Variants in RNPEPL1 observed in about 807,000 individuals in gnomAD.
RNPEPL1 encodes aminopeptidase RNPEPL1.
Under a neutral mutation model 69.0 loss-of-function variants are expected in RNPEPL1, and 46 were observed. That is an observed-to-expected ratio of 0.67 (90% CI 0.53 to 0.85). The LOEUF (loss-of-function observed/expected upper bound fraction) is 0.85. RNPEPL1 is among the 40% of genes least tolerant of loss of function. The pLI, the probability that RNPEPL1 is intolerant of heterozygous loss-of-function variation, is 0.00. For synonymous variants in RNPEPL1, 525 were observed against 454.1 expected (o/e 1.16, Z -1.98); for missense variants, 869 against 992.5 (o/e 0.88, Z 1.67).
chr2:240,571,012 T>G, intron 1 of RNPEPL1, among the ~76,000 whole-genome samples: 1 of 149,212 alleles, frequency 6.7e-6, no homozygotes. Flanking sequence ...AGGAGAGGAG[T>G]AGTTGTGAGG....
Position 240,577,879 on chromosome 2 carries a change from A to G in RNPEPL1, c.2165A>G (p.Asn722Ser), listed in dbSNP as rs752301697. ...AGTGCCATCTCTCTCAGGGACGTCA[A>G]TGTGTCTGCCTAGCCCTGTTGGCGG... Reference protein sequence around the residue: ...PSSAISLRDVNVSA With the variant: ...PSSAISLRDVSVSA Residue 722 changes from asparagine to serine, a missense_variant, in exon 11 of 11, where the codon AAT (asparagine) becomes AGT (serine). By Grantham distance (46) the Asn-to-Ser change is conservative. Around this residue, in one of 2 missense-constraint regions of RNPEPL1, gnomAD observed 610 missense variants for 790.9 expected, o/e 0.77. Transcript: ENST00000270357. 1.5e-5 allele frequency: 23 copies of G among 1,536,158 alleles called. No homozygotes were observed. Among genetic ancestry groups the G allele is most frequent in the East Asian group, 2.3e-5 (1 of 43,754 alleles).
In RNPEPL1 at chr2:240,574,368, G is replaced by A; in HGVS notation, c.1174+20G>A. The stretch of plus-strand genomic sequence containing the variant: ...CCTACGGTGCGGCCAGGGCCGGGGA[G>A]GGCAGCCACGGGGGGCCCTGGGCAC... On this transcript the variant is annotated intron_variant, in intron 5 of 10. Coordinates refer to ENST00000270357, the MANE Select transcript of RNPEPL1 (RefSeq NM_018226.6). 6.3e-7 allele frequency: 1 copy of A among 1,585,416 alleles called. No homozygotes were observed. The highest frequency in any genetic ancestry group is 8.6e-7 in the Non-Finnish European group (1 of 1,168,304).
chr2:240,573,106 A>G lies in RNPEPL1; in HGVS notation c.670-4A>G, dbSNP rs952475545. 2 of 1,600,518 alleles carry G rather than the reference A, an allele frequency of 1.2e-6. No individual in the cohort carries two copies. The highest frequency in any genetic ancestry group is 3.4e-5 in the Admixed American group (2 of 58,932). ...CACCCGGTCTCAGTCCGGCCTCCTT[A>G]CAGGCGCCATCGGGGGTGCAGGTGC... On this transcript the variant is annotated splice_polypyrimidine_tract_variant and splice_region_variant and intron_variant, in intron 2 of 10. Coordinates refer to ENST00000270357, the MANE Select transcript of RNPEPL1 (RefSeq NM_018226.6).
intron 1 of RNPEPL1, among the ~76,000 whole-genome samples, chr2:240,569,675 C>G (rs1316767702): frequency 6.6e-6 from 1 of 152,228 alleles, no homozygotes; most frequent in Non-Finnish European, 1.5e-5. Flanking sequence ...GTGGCTGAGG[C>G]TGGCGCTGTG....
chr2:240,575,213 C>T (rs1304760510), intron 7 of RNPEPL1, 71 bp downstream of exon 7: 6 of 1,229,510 alleles, frequency 4.9e-6, no homozygotes, highest in Non-Finnish European at 7.2e-6. Flanking sequence ...CACAGGGCTG[C>T]CTGCTCTTGC....
chr2:240,572,688 C>A, intron 2 of RNPEPL1, 125 bp downstream of exon 2: 1 of 1,228,392 alleles, frequency 8.1e-7, no homozygotes, highest in Non-Finnish European at 1.1e-6. Context: ...ACAGTGCTAG[C>A]AGGAGCCCAC....
chr2:240,572,306 T>C (rs778679505), intron 1 of RNPEPL1, 117 bp from the exon 2 acceptor site: 28 of 1,227,434 alleles, frequency 2.3e-5, no homozygotes, highest in Non-Finnish European at 3.1e-5. Flanking sequence ...CCCAGCAAGA[T>C]AATCTGGCCA....
chr2:240,568,850 CG>C lies in RNPEPL1; in HGVS notation c.265del (p.Ala89ProfsTer96). The C allele has an allele frequency of 8.4e-7, 1 of 1,189,570 alleles. No homozygotes were observed. Among genetic ancestry groups the C allele is most frequent in the Non-Finnish European group, 1.0e-6 (1 of 955,500 alleles). 73.7% of individuals were successfully genotyped at this position (1,189,570 alleles called of 1,614,324 possible). On this transcript the variant is annotated frameshift_variant, in exon 1 of 11. Transcript: ENST00000270357. LOFTEE classifies it high-confidence loss of function. The surrounding 1 kb of genome is among the most constrained non-coding windows in gnomAD (Gnocchi z 6.2). ...ACCCGGCTCTGCGCCTGCACTCAGC[CG>C]CCTTCCGTCGCGCCCCCGCCGCCGC... ...AHPALRLHSA[A>X]FRRAPAAAAE...
chr2:240,576,287 G>A (rs2093037496), intron 8 of RNPEPL1: 2 of 576,866 alleles, frequency 3.5e-6, no homozygotes, highest in Admixed American at 6.2e-5. Flanking sequence ...GGAGAGGCGT[G>A]GAGTGGGTGC....
chr2:240,573,311 G>T, intron 3 of RNPEPL1, 50 bp downstream of exon 3: 1 of 1,513,350 alleles, frequency 6.6e-7, no homozygotes. Flanking sequence ...CTCGGGGAGA[G>T]CCCCACCGGG....
At position 240,576,597 on chromosome 2, in the gene RNPEPL1, CAG is replaced by C; in HGVS notation, c.1574_1575del (p.Gln525ArgfsTer31). On this transcript the variant is annotated frameshift_variant, in exon 9 of 11. Coordinates refer to ENST00000270357, the MANE Select transcript of RNPEPL1 (RefSeq NM_018226.6). LOFTEE classifies it high-confidence loss of function. The stretch of plus-strand genomic sequence containing the variant: ...GCCGCTGGCTGAGCCGGACCTGTCT[CAG>C]GGATCCAGCCTGACCCGGCCCGTGG... ...GPPLAEPDLS[Q>X]GSSLTRPVEA... 6.2e-7 allele frequency: 1 copy of C among 1,613,050 alleles called. No homozygotes were observed. Among genetic ancestry groups the C allele is most frequent in the Non-Finnish European group, 8.5e-7 (1 of 1,180,020 alleles).
At position 240,576,754 on chromosome 2, in the gene RNPEPL1, C is replaced by A; in HGVS notation, c.1730C>A (p.Pro577Gln). ...LFLDRLLDGS[P>Q]LPQEVVMSLS... ...CTGGACCGGCTCCTGGATGGGTCCC[C>A]GCTGCCGCAGGGTGAGTCCCTGCAG... Residue 577 changes from proline (P) to glutamine (Q), a missense_variant, in exon 9 of 11, where the codon CCG becomes CAG. Physicochemically the swap from Pro to Gln is moderately conservative, Grantham distance 76. Coordinates refer to ENST00000270357, the MANE Select transcript of RNPEPL1 (RefSeq NM_018226.6). The A allele has an allele frequency of 6.2e-7, 1 of 1,612,832 alleles. No homozygotes were observed. The highest frequency in any genetic ancestry group is 8.5e-7 in the Non-Finnish European group (1 of 1,179,862).
intron 1 of RNPEPL1, among the ~76,000 whole-genome samples, chr2:240,570,880 G>A (rs2093019339): frequency 6.6e-6 from 1 of 152,192 alleles, no homozygotes; most frequent in Non-Finnish European, 1.5e-5. Flanking sequence ...GGAGCTGTGG[G>A]CCCTGCTGGT....
In RNPEPL1 at chr2:240,578,747, T is replaced by C. The variant is rs1476783826; in HGVS notation, c.*855T>C. The C allele has an allele frequency of 2.0e-5, 3 of 152,636 alleles. No homozygotes were observed. The highest frequency in any genetic ancestry group is 7.2e-5 in the African/African-American group (3 of 41,436). The allele number at this position is 152,636 out of a possible 1,614,324, so 9.5% of individuals were successfully genotyped here. ...TGCAAACCTGATCTCCTGCGCTCTT[T>C]CTCGCGACTCTTGTCCTCTGCATCT... On this transcript the variant is annotated 3_prime_UTR_variant, in exon 11 of 11. Transcript: ENST00000270357.
chr2:240,569,207 T>C, intron 1 of RNPEPL1, 93 bp downstream of exon 1: 1 of 1,303,612 alleles, frequency 7.7e-7, no homozygotes, highest in Admixed American at 3.9e-5. Context: ...GACGCGAATC[T>C]GCGCCCTACA....
At chr2:240,572,685 T>A in intron 2 of RNPEPL1, 122 bp downstream of exon 2, 2 of 1,258,460 alleles carry the variant, frequency 1.6e-6, no homozygotes. Flanking sequence ...GCCACAGTGC[T>A]AGCAGGAGCC....
chr2:240,570,655 A>C (rs1391444780), intron 1 of RNPEPL1, among the ~76,000 whole-genome samples: 1 of 152,192 alleles, frequency 6.6e-6, no homozygotes, highest in Admixed American at 6.5e-5. Context: ...GAGGTGCTGC[A>C]GATGCTTGGG....
chr2:240,576,447 A>G, intron 8 of RNPEPL1, 88 bp from the exon 9 acceptor site: 1 of 1,283,490 alleles, frequency 7.8e-7, no homozygotes, highest in Non-Finnish European at 1.1e-6. Context: ...CCTGGAACAC[A>G]CTCAGGGTCT....
chr2:240,568,732 A>G lies in RNPEPL1; in HGVS notation c.146A>G (p.Glu49Gly). 9.4e-7 allele frequency: 1 copy of G among 1,063,038 alleles called. No homozygotes were observed. The highest frequency in any genetic ancestry group is 1.1e-6 in the Non-Finnish European group (1 of 877,882). 65.9% of individuals were successfully genotyped at this position (1,063,038 alleles called of 1,614,324 possible). Residue 49 changes from glutamate (E) to glycine (G), a missense_variant, in exon 1 of 11, where the codon GAG becomes GGG. Transcript: ENST00000270357. The surrounding 1 kb of genome is among the most constrained non-coding windows in gnomAD (Gnocchi z 6.2). ...FRLRHLQLGLELRPEARELAG... is the reference protein window; with the variant it reads ...FRLRHLQLGLGLRPEARELAG... Reference sequence around the variant, plus strand: ...CTCCGCCACCTGCAGCTGGGCCTGGAGCTGCGGCCCGAGGCGCGCGAGTTG... The same window carrying G: ...CTCCGCCACCTGCAGCTGGGCCTGGGGCTGCGGCCCGAGGCGCGCGAGTTG...
Sources: gnomAD v4.1 joint callset for allele counts (sites outside exome capture counted in the v4.1 genomes callset) on GRCh38, gnomAD v4.1.1 for gene constraint, gnomAD v4.1.1 regional missense constraint, Gnocchi (gnomAD v3.1) non-coding constraint, MANE v1.5 for transcripts, NCBI Gene and HGNC (gene_info 2026-07-23, HGNC 2026-07-21) for gene names.